The following KIF13B variants were observed in gnomAD, a reference collection of about 807,000 sequenced individuals.
KIF13B encodes kinesin-like protein KIF13B.
A neutral mutation model predicts 222.0 loss-of-function variants in KIF13B; 127 were observed. That is an observed-to-expected ratio of 0.57 (90% CI 0.50 to 0.66). The LOEUF is 0.66. Among genes scored for constraint, KIF13B ranks in the 30% least tolerant of loss-of-function variants. KIF13B has a pLI of 0.00. For synonymous variants in KIF13B, 976 were observed against 919.0 expected (o/e 1.06, Z -1.12); for missense variants, 2,173 against 2,379.0 (o/e 0.91, Z 1.80).
intron 2 of KIF13B, among the ~76,000 whole-genome samples, chr8:29,203,124 A>G (rs143861200): frequency 5.8e-4 from 89 of 152,344 alleles, no homozygotes; most frequent in African/African-American, 2.1e-3. Context: ...AAGCTTCTGA[A>G]GGACAAAGTG....
intron 32 of KIF13B, among the ~76,000 whole-genome samples, chr8:29,113,195 AAT>A (rs1043803840): frequency 8.5e-5 from 13 of 152,228 alleles, no homozygotes; most frequent in African/African-American, 3.1e-4. Flanking sequence ...TCCTGGGTAC[AAT>A]ATGTTTCTCT....
intron 37 of KIF13B, among the ~76,000 whole-genome samples, chr8:29,090,651 T>C (rs185967829): frequency 4.6e-5 from 7 of 152,308 alleles, no homozygotes; most frequent in African/African-American, 1.7e-4. Flanking sequence ...TGTTCTGGCT[T>C]TACTACCAGG....
At position 29,221,920 on chromosome 8, in the gene KIF13B, C is replaced by T. The variant is rs115610967; in HGVS notation, c.149+23426G>A. 8.2e-3 allele frequency among the ~76,000 whole-genome samples: 1,243 copies of T among 152,210 alleles called. 7 individuals carry two copies. Among genetic ancestry groups the T allele is most frequent in the African/African-American group, 0.014 (586 of 41,522 alleles). The stretch of plus-strand genomic sequence containing the variant: ...CGATACTTTATAAAATGAAAAACCT[C>T]TTCTTGAATAGTCGGTAGTTTTCTA... On this transcript the variant is annotated intron_variant, in intron 2 of 39. Transcript: ENST00000524189.
rs746668409 is a variant in KIF13B, at chr8:29,071,582, C to G, written c.5218+38G>C. ...GCCACGTTCCTGCTTCCCCAGACCC[C>G]CGGCACCACCCTGGAGCCCGGAGTG... On this transcript the variant is annotated intron_variant, in intron 39 of 39. Transcript: ENST00000524189. This position sits in a 1 kb window ranked among gnomAD's most constrained non-coding sequence, Gnocchi z 4.9. 6.6e-7 allele frequency: 1 copy of G among 1,523,778 alleles called. No individual in the cohort carries two copies. The allele number at this position is 1,523,778 out of a possible 1,614,324, so 94.4% of individuals were successfully genotyped here. A position where few individuals can be genotyped will look rare whatever the true frequency, so the allele number is the denominator to read the frequency against.
intron 30 of KIF13B, 141 bp downstream of exon 30, chr8:29,118,727 G>C: frequency 1.3e-6 from 1 of 792,482 alleles, no homozygotes; most frequent in South Asian, 1.8e-5. Context: ...CATTCTTCTG[G>C]AAGTCATGAT....
At chr8:29,188,343 T>A (rs1202933208) in intron 5 of KIF13B, among the ~76,000 whole-genome samples, 172 bp downstream of exon 5, 1 of 152,226 alleles carries the variant, frequency 6.6e-6, no homozygotes, top group Non-Finnish European at 1.5e-5. Context: ...CCAATCCTAA[T>A]TTTATTACAC....
chr8:29,185,127 G>C (rs556905563), intron 6 of KIF13B, among the ~76,000 whole-genome samples: 159 of 151,848 alleles, frequency 1.0e-3, no homozygotes, highest in Non-Finnish European at 1.9e-3. Flanking sequence ...CCTACTCTCC[G>C]ACCACACTGA....
At chr8:29,119,538 C>T (rs1414387042) in intron 29 of KIF13B, among the ~76,000 whole-genome samples, 6 of 152,250 alleles carry the variant, frequency 3.9e-5, no homozygotes, top group Admixed American at 2.0e-4. Context: ...ATGGGGGGAC[C>T]GAGAACATGT....
intron 19 of KIF13B, among the ~76,000 whole-genome samples, chr8:29,141,535 C>T (rs903384538): frequency 6.6e-6 from 1 of 152,134 alleles, no homozygotes; most frequent in Non-Finnish European, 1.5e-5. Flanking sequence ...AGGAAGTAAA[C>T]AACTCTATGC....
chr8:29,161,858 C>A (rs1310544430), intron 12 of KIF13B, among the ~76,000 whole-genome samples: 1 of 152,106 alleles, frequency 6.6e-6, no homozygotes, highest in Non-Finnish European at 1.5e-5. Context: ...GGACTGTGTG[C>A]TGTGTGGGTA....
chr8:29,129,251 A>G (rs1344500177), intron 24 of KIF13B, among the ~76,000 whole-genome samples: 1 of 152,256 alleles, frequency 6.6e-6, no homozygotes, highest in African/African-American at 2.4e-5. Flanking sequence ...ACTAAATCAT[A>G]GAAAATTATC....
chr8:29,116,986 C>A lies in KIF13B; in HGVS notation c.3682G>T (p.Asp1228Tyr). 3 of 1,588,768 alleles carry A rather than the reference C, an allele frequency of 1.9e-6. No individual in the cohort carries two copies. The highest frequency in any genetic ancestry group is 2.6e-6 in the Non-Finnish European group (3 of 1,163,136). Residue 1228 changes from aspartate to tyrosine, a missense_variant, in exon 31 of 40, where the codon GAC becomes TAC. Transcript: ENST00000524189. The stretch of plus-strand genomic sequence containing the variant: ...TGAGGGCAGCCATGCACCGCGGAGT[C>A]CCAGGAGGCTTCTGCTTTCACCTGG... ...DGEVKAEASW[D>Y]SAVHGCPQLS...
chr8:29,105,657 T>TTTTTG (rs1554597015), intron 35 of KIF13B, among the ~76,000 whole-genome samples: 1 of 100,414 alleles, frequency 1.0e-5, no homozygotes, highest in African/African-American at 3.3e-5. Context: ...TTGGTTTTTT[T>TTTTTG]TTTTTTTTTT....
At chr8:29,135,292 G>A (rs1810508752) in intron 21 of KIF13B, among the ~76,000 whole-genome samples, 1 of 152,014 alleles carries the variant, frequency 6.6e-6, no homozygotes, top group South Asian at 2.1e-4. Flanking sequence ...TGATCCTCCT[G>A]CCTCAGTCTC....
At chr8:29,210,393 T>C (rs772726724) in intron 2 of KIF13B, among the ~76,000 whole-genome samples, 27 of 152,194 alleles carry the variant, frequency 1.8e-4, no homozygotes, top group Non-Finnish European at 5.9e-5. Flanking sequence ...GAACTGATTG[T>C]CCAGGCACAC....
At chr8:29,222,127 G>T (rs528292031) in intron 2 of KIF13B, among the ~76,000 whole-genome samples, 1 of 151,970 alleles carries the variant, frequency 6.6e-6, no homozygotes, top group Non-Finnish European at 1.5e-5. Flanking sequence ...TAGGAAGGTC[G>T]CTTGAGCCCA....
At chr8:29,214,068 C>G (rs1814364173) in intron 2 of KIF13B, among the ~76,000 whole-genome samples, 1 of 152,214 alleles carries the variant, frequency 6.6e-6, no homozygotes, top group Admixed American at 6.5e-5. Context: ...GTTTGCAGGA[C>G]TGGCCATTGC....
At chr8:29,133,408 G>A (rs1377313858) in intron 22 of KIF13B, among the ~76,000 whole-genome samples, 1 of 152,214 alleles carries the variant, frequency 6.6e-6, no homozygotes, top group Non-Finnish European at 1.5e-5. Context: ...GGCCAACACG[G>A]TGAAACCTTG....
intron 14 of KIF13B, among the ~76,000 whole-genome samples, chr8:29,154,171 G>T (rs1811416183): frequency 6.6e-6 from 1 of 152,150 alleles, no homozygotes; most frequent in Admixed American, 6.5e-5. Flanking sequence ...TAAAAGATTA[G>T]GTGGGTGTGG....
Sources: gnomAD v4.1 joint callset for allele counts (sites outside exome capture counted in the v4.1 genomes callset) on GRCh38, gnomAD v4.1.1 for gene constraint, Gnocchi (gnomAD v3.1) non-coding constraint, MANE v1.5 for transcripts, NCBI Gene and HGNC (gene_info 2026-07-23, HGNC 2026-07-21) for gene names.